RS1: variants seen among roughly 807,000 people sequenced by gnomAD.
RS1 encodes the protein retinoschisin 1.
A neutral mutation model predicts 20.8 loss-of-function variants in RS1; 2 were observed. The ratio of observed to expected loss-of-function variants is 0.10; its 90% CI spans 0.04 to 0.30. The LOEUF is 0.30. Among genes scored for constraint, RS1 ranks in the 10% least tolerant of loss-of-function variants. The probability of loss-of-function intolerance (pLI) is 1.00; values close to 1 mark genes in which losing one functional copy is unlikely to be tolerated. For synonymous variants in RS1, 70 were observed against 75.8 expected (o/e 0.92, Z 0.40); for missense variants, 151 against 189.8 (o/e 0.80, Z 1.20).
At chrX:18,650,412 G>T (rs1422001731) in intron 3 of RS1, 2 of 1,210,235 alleles carry the variant, frequency 1.7e-6, no homozygotes, top group African/African-American at 3.5e-5. Context: ...TTTTCCAGGA[G>T]AATACTTCTG....
chrX:18,649,584 C>T (rs915020100), intron 3 of RS1, among the ~76,000 whole-genome samples: 1 of 111,784 alleles, frequency 8.9e-6, no homozygotes, highest in African/African-American at 3.3e-5. Context: ...CTAGTATCTG[C>T]AGCTCTGTGG....
intron 1 of RS1, among the ~76,000 whole-genome samples, chrX:18,667,140 G>T (rs1354063625): frequency 9.0e-6 from 1 of 111,345 alleles, no homozygotes; most frequent in Non-Finnish European, 1.9e-5. Flanking sequence ...CAGCAATTAG[G>T]GTCTAGTTGG....
chrX:18,663,811 A>G (rs1928359413), intron 1 of RS1, among the ~76,000 whole-genome samples: 1 of 111,349 alleles, frequency 9.0e-6, no homozygotes, highest in Non-Finnish European at 1.9e-5. Context: ...CCCAGTAAAC[A>G]TTGCTAAATC....
At chrX:18,653,647 C>G (rs1928146974) in intron 3 of RS1, 1 of 1,062,947 alleles carries the variant, frequency 9.4e-7, no homozygotes. Context: ...GTTGAGTTTT[C>G]CTTTCTGAAA....
intron 3 of RS1, among the ~76,000 whole-genome samples, chrX:18,649,250 G>T (rs981935176): frequency 9.1e-5 from 10 of 109,930 alleles, no homozygotes; most frequent in Admixed American, 1.9e-4. Context: ...TCCTTTTTTG[G>T]TTAGAGACCT....
At chrX:18,648,794 GA>G (rs1365567460) in intron 3 of RS1, among the ~76,000 whole-genome samples, 4 of 111,295 alleles carry the variant, frequency 3.6e-5, no homozygotes, top group Non-Finnish European at 7.5e-5. Context: ...GGGTAAGGCC[GA>G]GAGAACTGCA....
At chrX:18,642,905 G>A (rs1293479021) in intron 5 of RS1, among the ~76,000 whole-genome samples, 1 of 110,372 alleles carries the variant, frequency 9.1e-6, no homozygotes, top group Admixed American at 9.6e-5. Flanking sequence ...TTAGCCAGGC[G>A]CAGTGGCAGG....
At chrX:18,663,032 CTTTTTTTTTTTT>C (rs55857398) in intron 1 of RS1, among the ~76,000 whole-genome samples, 53,637 of 76,584 alleles carry the variant, frequency 0.7, 13,678 homozygotes, top group Non-Finnish European at 0.81. Flanking sequence ...AGAACAATGA[CTTTTTTTTTTTT>C]TTTTTTTTTT....
Position 18,641,040 on chromosome X carries a change from A to G in RS1, c.*964T>C, listed in dbSNP as rs1927557798. The G allele has an allele frequency of 8.9e-6, 1 of 112,500 alleles. No homozygotes were observed. The highest frequency in any genetic ancestry group is 1.9e-5 in the Non-Finnish European group (1 of 53,251). 9.3% of individuals were successfully genotyped at this position (112,500 alleles called of 1,213,427 possible). On this transcript the variant is annotated 3_prime_UTR_variant, in exon 6 of 6. Transcript: ENST00000379984. ...AAAAAGCTACATGGTCCTTTTTATGATGTGAGTCCTTCCCACTTCCTGCGA... is the reference window on the plus strand; with the variant it reads ...AAAAAGCTACATGGTCCTTTTTATGGTGTGAGTCCTTCCCACTTCCTGCGA...
chrX:18,668,691 C>T (rs1928441821), intron 1 of RS1, among the ~76,000 whole-genome samples: 1 of 112,742 alleles, frequency 8.9e-6, no homozygotes, highest in Non-Finnish European at 1.9e-5. Context: ...ATGCTTCAAA[C>T]ACAGATGAAC....
At chrX:18,648,011 C>T (rs372217745) in intron 3 of RS1, among the ~76,000 whole-genome samples, 32 of 111,520 alleles carry the variant, frequency 2.9e-4, no homozygotes, top group Admixed American at 1.2e-3. Flanking sequence ...TTGTCTCCCC[C>T]TTCCTCTCGT....
In RS1 at chrX:18,640,427, T is replaced by TCCC. The variant is rs1300468144; in HGVS notation, c.*1574_*1576dup. 48 of 31,554 alleles carry TCCC rather than the reference T, an allele frequency of 1.5e-3. No individual in the cohort carries two copies. The highest frequency in any genetic ancestry group is 9.6e-3 in the Admixed American group (21 of 2,178). The allele number at this position is 31,554 out of a possible 1,213,427, so 2.6% of individuals were successfully genotyped here. A position where few individuals can be genotyped will look rare whatever the true frequency, so the allele number is the denominator to read the frequency against. ...CCTGTGTCCTAAGGCCAGGGATAAG[T>TCCC]CCCCCCACCCCCCCCCCCCACCCCC... is the stretch of plus-strand genomic sequence containing the variant. On this transcript the variant is annotated 3_prime_UTR_variant, in exon 6 of 6. Transcript: ENST00000379984.
At position 18,659,040 on chromosome X, in the gene RS1, T is replaced by C. The variant is rs780456744; in HGVS notation, c.53-1375A>G. On this transcript the variant is annotated intron_variant, in intron 1 of 5. Coordinates refer to ENST00000379984, the MANE Select transcript of RS1 (RefSeq NM_000330.4). The stretch of plus-strand genomic sequence containing the variant: ...TAACATAAAACTGACATATAAGCTC[T>C]CTTTATAGAAGCATGAATAAAGAGA... Among the ~76,000 whole-genome samples the C allele has an allele frequency of 1.1e-4, 12 of 111,964 alleles. No homozygotes were observed. In the East Asian group the frequency reaches 2.5e-3, roughly 23 times the overall value.
At chrX:18,644,016 T>TC (rs764284982) in intron 5 of RS1, among the ~76,000 whole-genome samples, 6 of 110,668 alleles carry the variant, frequency 5.4e-5, no homozygotes, top group African/African-American at 2.0e-4. Flanking sequence ...CTCAAAAGGC[T>TC]CCCCTCTGTC....
chrX:18,662,907 G>C (rs1027198489), intron 1 of RS1, among the ~76,000 whole-genome samples: 35 of 111,121 alleles, frequency 3.1e-4, no homozygotes, highest in African/African-American at 8.5e-4. Flanking sequence ...GATTACAGGC[G>C]TGAGCCACTG....
intron 3 of RS1, among the ~76,000 whole-genome samples, chrX:18,649,088 A>G (rs1927919346): frequency 9.1e-6 from 1 of 109,627 alleles, no homozygotes; most frequent in African/African-American, 3.3e-5. Context: ...AGCCTTGATA[A>G]CCTTAAGTAT....
At chrX:18,654,312 G>GC (rs370945110) in intron 3 of RS1, among the ~76,000 whole-genome samples, 1,468 of 109,405 alleles carry the variant, frequency 0.013, 17 homozygotes, top group African/African-American at 0.042. Flanking sequence ...ATGCCACCGT[G>GC]CCCCCCCCAT....
At chrX:18,651,362 C>T (rs896837252) in intron 3 of RS1, among the ~76,000 whole-genome samples, 7 of 109,181 alleles carry the variant, frequency 6.4e-5, no homozygotes, top group Non-Finnish European at 1.3e-4. Context: ...AGCTTATGGA[C>T]CTGGAAGATC....
intron 2 of RS1, among the ~76,000 whole-genome samples, chrX:18,657,364 G>A (rs1235824111): frequency 9.3e-6 from 1 of 107,000 alleles, no homozygotes; most frequent in Non-Finnish European, 1.9e-5. Flanking sequence ...AGGATTACAG[G>A]TATGCACCAC....
Sources: gnomAD v4.1 joint callset for allele counts (sites outside exome capture counted in the v4.1 genomes callset) on GRCh38, gnomAD v4.1.1 for gene constraint, MANE v1.5 for transcripts, NCBI Gene and HGNC (gene_info 2026-07-23, HGNC 2026-07-21) for gene names.